The following CDKAL1 variants were observed in gnomAD, a reference collection of about 807,000 sequenced individuals.
CDKAL1 encodes threonylcarbamoyladenosine tRNA methylthiotransferase.
Under a neutral mutation model 68.2 loss-of-function variants are expected in CDKAL1, and 32 were observed. The observed-to-expected ratio is 0.47, with a 90% CI of 0.35 to 0.63. The LOEUF (loss-of-function observed/expected upper bound fraction) is 0.63. Among genes scored for constraint, CDKAL1 ranks in the 30% least tolerant of loss-of-function variants. The pLI is 0.00. For missense variants in CDKAL1, 606 were observed against 696.7 expected (o/e 0.87, Z 1.47); for synonymous variants, 234 against 244.3 (o/e 0.96, Z 0.39).
intron 4 of CDKAL1, among the ~76,000 whole-genome samples, chr6:20,579,659 G>C (rs193220947): frequency 2.8e-4 from 43 of 152,170 alleles, no homozygotes; most frequent in Admixed American, 1.2e-3. Flanking sequence ...TGCAAGTGGG[G>C]CTGGAATTCT....
chr6:20,994,310 G>A (rs1766991810), intron 10 of CDKAL1, among the ~76,000 whole-genome samples: 1 of 151,998 alleles, frequency 6.6e-6, no homozygotes, highest in Admixed American at 6.6e-5. Context: ...GAAACCCAGT[G>A]TCTACTAAAA....
At chr6:21,119,207 T>C (rs1774579211) in intron 13 of CDKAL1, among the ~76,000 whole-genome samples, 1 of 152,140 alleles carries the variant, frequency 6.6e-6, no homozygotes, top group Non-Finnish European at 1.5e-5. Context: ...AAAGTATGAA[T>C]CAATGAAATT....
chr6:21,018,252 A>G (rs1768448706), intron 11 of CDKAL1, among the ~76,000 whole-genome samples: 1 of 152,192 alleles, frequency 6.6e-6, no homozygotes, highest in African/African-American at 2.4e-5. Flanking sequence ...ATAGGGTCCA[A>G]GGTTATTTTT....
chr6:20,771,445 A>G (rs1163233856), intron 7 of CDKAL1, among the ~76,000 whole-genome samples: 2 of 152,130 alleles, frequency 1.3e-5, no homozygotes, highest in Non-Finnish European at 2.9e-5. Context: ...TCAGAGAGGC[A>G]TTTTTTAAGA....
intron 6 of CDKAL1, among the ~76,000 whole-genome samples, chr6:20,757,018 C>T (rs1774245704): frequency 6.6e-6 from 1 of 151,680 alleles, no homozygotes; most frequent in African/African-American, 2.4e-5. Flanking sequence ...ACTACAACCT[C>T]CACCTCCCAT....
chr6:21,209,634 TG>T (rs1427549595), intron 15 of CDKAL1, among the ~76,000 whole-genome samples: 1 of 152,202 alleles, frequency 6.6e-6, no homozygotes, highest in East Asian at 1.9e-4. Flanking sequence ...ATTACTCCTG[TG>T]GTTAAAGTTT....
chr6:21,074,994 C>G lies in CDKAL1; in HGVS notation c.1236+9766C>G, dbSNP rs563373464. The stretch of plus-strand genomic sequence containing the variant: ...TCCTACCTCCCCACTTCTGAGTCTC[C>G]AAAGCCTATTTCCTTGCCAAAAGAA... On this transcript the variant is annotated intron_variant, in intron 12 of 15. Transcript: ENST00000274695. Among the ~76,000 whole-genome samples, 40 of 151,892 alleles carry G rather than the reference C, an allele frequency of 2.6e-4. 1 individual carries two copies. Among genetic ancestry groups the G allele is most frequent in the African/African-American group, 9.2e-4 (38 of 41,442 alleles).
intron 7 of CDKAL1, among the ~76,000 whole-genome samples, chr6:20,780,099 TAAAAAAAAAAAAA>T (rs745598145): frequency 4.5e-5 from 4 of 89,180 alleles, no homozygotes; most frequent in Non-Finnish European, 7.0e-5. Context: ...AACCTAACCT[TAAAAAAAAAAAAA>T]AAAAAAAAGA....
intron 6 of CDKAL1, among the ~76,000 whole-genome samples, chr6:20,743,937 A>G (rs779317185): frequency 2.6e-5 from 4 of 152,242 alleles, no homozygotes; most frequent in Non-Finnish European, 4.4e-5. Flanking sequence ...AAACTATCTT[A>G]GCATGAAGTG....
chr6:21,041,199 A>C (rs915983684), intron 11 of CDKAL1, among the ~76,000 whole-genome samples: 2 of 152,202 alleles, frequency 1.3e-5, no homozygotes, highest in East Asian at 3.8e-4. Context: ...TCTATATACA[A>C]CACCACAAAT....
intron 8 of CDKAL1, among the ~76,000 whole-genome samples, chr6:20,807,248 A>G (rs1047963234): frequency 4.0e-5 from 6 of 150,874 alleles, no homozygotes; most frequent in African/African-American, 1.5e-4. Flanking sequence ...TTTGAGACGG[A>G]GTCTCGCTGT....
chr6:21,100,459 A>G (rs936273155), intron 12 of CDKAL1, among the ~76,000 whole-genome samples: 3 of 152,230 alleles, frequency 2.0e-5, no homozygotes, highest in Non-Finnish European at 4.4e-5. Flanking sequence ...ATGGAGAGAA[A>G]GAAGTTCAAG....
intron 5 of CDKAL1, among the ~76,000 whole-genome samples, chr6:20,703,620 TACAATTGAGCTATA>T (rs1368024166): frequency 6.6e-6 from 1 of 152,176 alleles, no homozygotes; most frequent in Non-Finnish European, 1.5e-5. Flanking sequence ...TGTCTTAGGG[TACAATTGAGCTATA>T]ATTTTAGTAT....
intron 12 of CDKAL1, among the ~76,000 whole-genome samples, chr6:21,078,002 C>G (rs9358388): frequency 6.6e-6 from 1 of 151,854 alleles, no homozygotes; most frequent in East Asian, 1.9e-4. Context: ...GAAGGGACCA[C>G]GGGCATAAAA....
chr6:20,641,705 T>C (rs775290568), intron 4 of CDKAL1, among the ~76,000 whole-genome samples: 1 of 152,234 alleles, frequency 6.6e-6, no homozygotes, highest in African/African-American at 2.4e-5. Context: ...AGGCATGATA[T>C]TTCAGCTGCA....
intron 10 of CDKAL1, among the ~76,000 whole-genome samples, chr6:20,999,787 C>G (rs1242686775): frequency 6.6e-6 from 1 of 150,752 alleles, no homozygotes; most frequent in Non-Finnish European, 1.5e-5. Context: ...ATGTGTTAAC[C>G]TAAATTTGGA....
At chr6:21,229,126 G>A (rs1370066359) in intron 15 of CDKAL1, among the ~76,000 whole-genome samples, 1 of 152,172 alleles carries the variant, frequency 6.6e-6, no homozygotes, top group Non-Finnish European at 1.5e-5. Context: ...ACTTTTCCTT[G>A]TGGCTAACAG....
chr6:21,069,774 CTTTTTTTTTTTTTTTT>C (rs60241965), intron 12 of CDKAL1, among the ~76,000 whole-genome samples: 3 of 69,920 alleles, frequency 4.3e-5, no homozygotes, highest in Non-Finnish European at 7.7e-5. Context: ...GATTTTCTTT[CTTTTTTTTTTTTTTTT>C]TTTTTTTTTT....
chr6:21,050,158 A>C (rs1217207628), intron 11 of CDKAL1, among the ~76,000 whole-genome samples: 1 of 152,204 alleles, frequency 6.6e-6, no homozygotes, highest in Non-Finnish European at 1.5e-5. Context: ...ACTGCTACTA[A>C]ATTTTTTTAG....
Sources: gnomAD v4.1 joint callset for allele counts (sites outside exome capture counted in the v4.1 genomes callset) on GRCh38, gnomAD v4.1.1 for gene constraint, MANE v1.5 for transcripts, NCBI Gene and HGNC (gene_info 2026-07-23, HGNC 2026-07-21) for gene names.